PTPN23: variants seen among roughly 807,000 people sequenced by gnomAD.
PTPN23 encodes the protein tyrosine-protein phosphatase non-receptor type 23.
Under a neutral mutation model 156.3 loss-of-function variants are expected in PTPN23, and 72 were observed. The observed-to-expected ratio is 0.46, with a 90% CI of 0.38 to 0.56. The LOEUF is 0.56. PTPN23 is among the 20% of genes least tolerant of loss of function. The pLI, the probability that PTPN23 is intolerant of heterozygous loss-of-function variation, is 0.00. For missense variants in PTPN23, 1,974 were observed against 2,171.5 expected (o/e 0.91, Z 1.81); for synonymous variants, 957 against 899.6 (o/e 1.06, Z -1.14).
At chr3:47,389,037 C>CA (rs1704713891) in intron 1 of PTPN23, among the ~76,000 whole-genome samples, 1 of 152,114 alleles carries the variant, frequency 6.6e-6, no homozygotes, top group South Asian at 2.1e-4. Flanking sequence ...TCCACTCCCC[C>CA]ACCCCACTCC....
chr3:47,383,515 G>A (rs1452593588), intron 1 of PTPN23, among the ~76,000 whole-genome samples: 2 of 152,152 alleles, frequency 1.3e-5, no homozygotes, highest in African/African-American at 2.4e-5. Flanking sequence ...AAGCATCTCT[G>A]TGTTCCCCAG....
intron 1 of PTPN23, among the ~76,000 whole-genome samples, chr3:47,383,081 G>C (rs1324485542): frequency 6.6e-6 from 1 of 152,076 alleles, no homozygotes; most frequent in African/African-American, 2.4e-5. Context: ...TTTTCCATTA[G>C]AGTTCTTCCA....
chr3:47,381,245 G>GC (rs985058526), intron 1 of PTPN23, 65 bp downstream of exon 1: 3 of 1,538,266 alleles, frequency 2.0e-6, no homozygotes, highest in African/African-American at 1.4e-5. Flanking sequence ...AGCGCGTGAC[G>GC]CCCCCCTGCG....
In PTPN23 at chr3:47,411,824, C is replaced by G; in HGVS notation, c.3930C>G (p.Pro1310=). ...ACTTCCCCACCGAGAGGGGCCAGCC[C>G]ATGGTGCACGGTGCCCTGAGCCTGG... The part of the protein sequence containing the change: ...ARYFPTERGQ[P]MVHGALSLAL... Residue 1310 remains proline, a synonymous_variant, in exon 21 of 25, where the codon CCC becomes CCG. Transcript: ENST00000265562. This position sits in a 1 kb window ranked among gnomAD's most constrained non-coding sequence, Gnocchi z 6.3. The G allele has an allele frequency of 1.2e-6, 2 of 1,612,766 alleles. No homozygotes were observed. Among genetic ancestry groups the G allele is most frequent in the Non-Finnish European group, 1.7e-6 (2 of 1,179,606 alleles).
At chr3:47,383,740 C>T (rs950631397) in intron 1 of PTPN23, among the ~76,000 whole-genome samples, 8 of 152,202 alleles carry the variant, frequency 5.3e-5, no homozygotes, top group African/African-American at 1.9e-4. Context: ...TATTGTGTGA[C>T]CAGTGACTTC....
chr3:47,399,402 GCTT>G (rs1374344026), intron 2 of PTPN23, among the ~76,000 whole-genome samples: 3 of 152,178 alleles, frequency 2.0e-5, no homozygotes, highest in Non-Finnish European at 2.9e-5. Flanking sequence ...GGGAGACCAA[GCTT>G]CTTCTTATGC....
At position 47,406,408 on chromosome 3, in the gene PTPN23, A is replaced by G; in HGVS notation, c.627+3A>G. 1 of 1,613,984 alleles carries G rather than the reference A, an allele frequency of 6.2e-7. No individual in the cohort carries two copies. The highest frequency in any genetic ancestry group is 8.5e-7 in the Non-Finnish European group (1 of 1,179,990). Reference sequence around the variant, plus strand: ...TGGTGGCCCGCATCAGTGCACAGGTAGGGACGGGGCTGAGGGGAGGCCTTC... The same window carrying G: ...TGGTGGCCCGCATCAGTGCACAGGTGGGGACGGGGCTGAGGGGAGGCCTTC... On this transcript the variant is annotated splice_donor_region_variant and intron_variant, in intron 7 of 24. Coordinates refer to ENST00000265562, the MANE Select transcript of PTPN23 (RefSeq NM_015466.4). The surrounding 1 kb of genome is among the most constrained non-coding windows in gnomAD (Gnocchi z 5.8).
intron 2 of PTPN23, among the ~76,000 whole-genome samples, chr3:47,402,088 T>TG (rs1471139179): frequency 1.3e-5 from 2 of 152,204 alleles, no homozygotes; most frequent in Non-Finnish European, 2.9e-5. Flanking sequence ...ACTGTGCACC[T>TG]GCTCCTTGGA....
In PTPN23 at chr3:47,410,857, C is replaced by A. The variant is rs757391851; in HGVS notation, c.3059C>A (p.Pro1020Gln). The A allele has an allele frequency of 2.4e-5, 39 of 1,609,602 alleles. No homozygotes were observed. Among genetic ancestry groups the A allele is most frequent in the Non-Finnish European group, 3.2e-5 (38 of 1,177,264 alleles). Residue 1020 changes from proline (P) to glutamine (Q), a missense_variant, in exon 20 of 25, where the codon CCA (proline) becomes CAA (glutamine). By Grantham distance (76) the Pro-to-Gln change is moderately conservative. Around this residue, in one of 4 missense-constraint regions of PTPN23, gnomAD observed 731 missense variants for 669.1 expected, o/e 1.09. Transcript: ENST00000265562. ...CCCCCCCTACACACCCAGCTCTACC[C>A]AGGTCCCGCTCAAGACCCTCTGCCA... Reference protein sequence around the residue: ...PPPPLHTQLYPGPAQDPLPAH... With the variant: ...PPPPLHTQLYQGPAQDPLPAH...
At chr3:47,404,524 T>G in intron 2 of PTPN23, 128 bp from the exon 3 acceptor site, 1 of 1,283,954 alleles carries the variant, frequency 7.8e-7, no homozygotes, top group Non-Finnish European at 1.1e-6. Flanking sequence ...GCCATGGACT[T>G]TTTGGGATCC....
At position 47,411,607 on chromosome 3, in the gene PTPN23, C is replaced by G. The variant is rs1313999111; in HGVS notation, c.3809C>G (p.Ala1270Gly). 6.2e-7 allele frequency: 1 copy of G among 1,612,328 alleles called. No individual in the cohort carries two copies. Among genetic ancestry groups the G allele is most frequent in the Non-Finnish European group, 8.5e-7 (1 of 1,179,886 alleles). Reference protein sequence around the residue: ...VATQAPLPGTAADFWLMVHEQ... With the variant: ...VATQAPLPGTGADFWLMVHEQ... ...ACCCAGGCCCCACTGCCTGGCACAG[C>G]TGCTGACTTCTGGCTCATGGTCCAT... Residue 1270 changes from alanine (A) to glycine (G), a missense_variant, in exon 20 of 25, where the codon GCT becomes GGT. Physicochemically the swap from Ala to Gly is moderately conservative, Grantham distance 60 (BLOSUM62 0). Transcript: ENST00000265562. This position sits in a 1 kb window ranked among gnomAD's most constrained non-coding sequence, Gnocchi z 6.3.
chr3:47,390,323 T>G (rs1229547816), intron 1 of PTPN23, among the ~76,000 whole-genome samples: 1 of 152,172 alleles, frequency 6.6e-6, no homozygotes, highest in Non-Finnish European at 1.5e-5. Context: ...TTTCTTTTCT[T>G]TTTCCCCTCG....
At position 47,409,042 on chromosome 3, in the gene PTPN23, C is replaced by G; in HGVS notation, c.1597C>G (p.Leu533Val). 6.2e-7 allele frequency: 1 copy of G among 1,613,828 alleles called. No homozygotes were observed. Among genetic ancestry groups the G allele is most frequent in the African/African-American group, 1.3e-5 (1 of 75,062 alleles). ...VGNLRLLSGP[L>V]DQVRAALPTP... Reference sequence around the variant, plus strand: ...CAACCTGCGCCTGCTCAGCGGGCCGCTTGACCAGGTCCGGGCTGCCCTGCC... The same window carrying G: ...CAACCTGCGCCTGCTCAGCGGGCCGGTTGACCAGGTCCGGGCTGCCCTGCC... Residue 533 changes from leucine to valine, a missense_variant, in exon 16 of 25, where the codon CTT becomes GTT. Coordinates refer to ENST00000265562, the MANE Select transcript of PTPN23 (RefSeq NM_015466.4).
Position 47,412,771 on chromosome 3 carries a change from G to A in PTPN23, c.4497G>A (p.Gln1499=). The stretch of plus-strand genomic sequence containing the variant: ...GGGATGTGCCCATCAGCTCCATCCA[G>A]GCCACCATTGCCAAGCTCAGCATTC... ...LGGDVPISSI[Q]ATIAKLSIRP... is the part of the protein sequence containing the mutation. Residue 1499 remains glutamine, a synonymous_variant, in exon 25 of 25, where the codon CAG becomes CAA. Transcript: ENST00000265562. 1 of 1,612,632 alleles carries A rather than the reference G, an allele frequency of 6.2e-7. No homozygotes were observed. Among genetic ancestry groups the A allele is most frequent in the South Asian group, 1.1e-5 (1 of 90,924 alleles).
intron 15 of PTPN23, 81 bp downstream of exon 15, chr3:47,408,571 A>ACAGT (rs1394907075): frequency 6.5e-7 from 1 of 1,541,160 alleles, no homozygotes; most frequent in African/African-American, 1.4e-5. Context: ...CTGGTCACTG[A>ACAGT]GGATGGAGGC....
chr3:47,410,431 G>A lies in PTPN23; in HGVS notation c.2633G>A (p.Arg878Gln), dbSNP rs754520731. Residue 878 changes from arginine (R) to glutamine (Q), a missense_variant, in exon 20 of 25, where the codon CGG becomes CAG. Transcript: ENST00000265562. ...FSGPELAMAV[R>Q]PATTTVDSIQ... ...GGCCCCGAGTTGGCCATGGCGGTTC[G>A]GCCAGCCACCACCACAGTAGATAGC... 4.2e-5 allele frequency: 67 copies of A among 1,611,174 alleles called. No homozygotes were observed. The highest frequency in any genetic ancestry group is 5.3e-5 in the Non-Finnish European group (62 of 1,179,304).
Position 47,408,932 on chromosome 3 carries a change from G to A in PTPN23, c.1487G>A (p.Arg496Gln), listed in dbSNP as rs1404959872. The A allele has an allele frequency of 1.1e-5, 18 of 1,614,118 alleles. No homozygotes were observed. The highest frequency in any genetic ancestry group is 2.7e-5 in the African/African-American group (2 of 74,950). Residue 496 changes from arginine (R) to glutamine (Q), a missense_variant, in exon 16 of 25, where the codon CGA becomes CAA. This residue lies in a region of PTPN23 where 726 missense variants were observed against 929.5 expected (regional missense o/e 0.78). Coordinates refer to ENST00000265562, the MANE Select transcript of PTPN23 (RefSeq NM_015466.4). ...TSKAELAEVR[R>Q]EWAKYMEVHE... is the part of the protein sequence containing the mutation. ...AAGGCTGAGCTGGCAGAGGTGAGGC[G>A]AGAATGGGCCAAGTACATGGAAGTC...
chr3:47,406,414 G>T lies in PTPN23; in HGVS notation c.627+9G>T, dbSNP rs200661651. The stretch of plus-strand genomic sequence containing the variant: ...CCCGCATCAGTGCACAGGTAGGGAC[G>T]GGGCTGAGGGGAGGCCTTCACTTTA... On this transcript the variant is annotated intron_variant, in intron 7 of 24. Coordinates refer to ENST00000265562, the MANE Select transcript of PTPN23 (RefSeq NM_015466.4). This position sits in a 1 kb window ranked among gnomAD's most constrained non-coding sequence, Gnocchi z 5.8. 3.9e-5 allele frequency: 63 copies of T among 1,613,974 alleles called. 1 individual carries two copies. The East Asian group carries it at 1.1e-3, about 29-fold the overall frequency.
At chr3:47,396,574 CA>C (rs1704884130) in intron 2 of PTPN23, among the ~76,000 whole-genome samples, 2 of 151,890 alleles carry the variant, frequency 1.3e-5, no homozygotes. Flanking sequence ...GACTCCATCT[CA>C]AAAACAACAA....
Sources: gnomAD v4.1 joint callset for allele counts (sites outside exome capture counted in the v4.1 genomes callset) on GRCh38, gnomAD v4.1.1 for gene constraint, gnomAD v4.1.1 regional missense constraint, Gnocchi (gnomAD v3.1) non-coding constraint, MANE v1.5 for transcripts, NCBI Gene and HGNC (gene_info 2026-07-23, HGNC 2026-07-21) for gene names.